Variants in METAP1 observed in about 807,000 individuals in gnomAD.
METAP1 encodes the protein methionine aminopeptidase 1.
METAP1 carries 28 observed loss-of-function variants against 53.8 expected under a neutral mutation model. That is an observed-to-expected ratio of 0.52 (90% CI 0.39 to 0.71). The LOEUF is 0.71. Ranked by LOEUF, METAP1 falls within the 30% of genes least tolerant of loss-of-function variation. The pLI, the probability that METAP1 is intolerant of heterozygous loss-of-function variation, is 0.00. For synonymous variants in METAP1, 181 were observed against 165.7 expected (o/e 1.09, Z -0.71); for missense variants, 389 against 479.8 (o/e 0.81, Z 1.77).
At chr4:99,045,865 A>G (rs1217901074) in intron 8 of METAP1, among the ~76,000 whole-genome samples, 1 of 152,236 alleles carries the variant, frequency 6.6e-6, no homozygotes, top group African/African-American at 2.4e-5. Context: ...TTCAACTATC[A>G]TAGAGATCTT....
At chr4:99,027,405 A>C (rs1724638070) in intron 1 of METAP1, among the ~76,000 whole-genome samples, 1 of 152,110 alleles carries the variant, frequency 6.6e-6, no homozygotes, top group Admixed American at 6.5e-5. Context: ...TTCAAGGACA[A>C]GTGGCCTGGG....
At chr4:98,996,009 G>A in intron 1 of METAP1, 142 bp downstream of exon 1, 2 of 681,318 alleles carry the variant, frequency 2.9e-6, no homozygotes, top group South Asian at 3.3e-5. Context: ...CCCCCCACCC[G>A]CGTCGCCACC....
intron 1 of METAP1, among the ~76,000 whole-genome samples, chr4:99,004,591 T>C (rs998054154): frequency 6.6e-6 from 1 of 152,054 alleles, no homozygotes; most frequent in Non-Finnish European, 1.5e-5. Context: ...ATCTAACTTA[T>C]TAAAAAGAAC....
intron 10 of METAP1, 51 bp from the exon 11 acceptor site, chr4:99,061,103 A>C (rs1057125703): frequency 1.3e-6 from 2 of 1,575,354 alleles, no homozygotes; most frequent in African/African-American, 2.7e-5. Flanking sequence ...TTCTTGATAG[A>C]GTTCATTTAG....
At chr4:99,024,576 C>G (rs1274409533) in intron 1 of METAP1, among the ~76,000 whole-genome samples, 3 of 152,160 alleles carry the variant, frequency 2.0e-5, no homozygotes, top group African/African-American at 7.2e-5. Context: ...GTTTACTGAT[C>G]TGGGTGATGG....
chr4:99,011,567 A>G (rs1723468771), intron 1 of METAP1, among the ~76,000 whole-genome samples: 1 of 152,178 alleles, frequency 6.6e-6, no homozygotes, highest in Non-Finnish European at 1.5e-5. Context: ...GTTTTGTTCA[A>G]GATTTTGCAT....
At chr4:99,057,048 TAG>T (rs1027373146) in intron 9 of METAP1, among the ~76,000 whole-genome samples, 6 of 152,106 alleles carry the variant, frequency 3.9e-5, no homozygotes, top group African/African-American at 1.4e-4. Context: ...GTATTTTTAG[TAG>T]AGACAGGTTC....
At chr4:99,035,536 T>C in intron 4 of METAP1, 76 bp downstream of exon 4, 1 of 1,153,354 alleles carries the variant, frequency 8.7e-7, no homozygotes, top group Non-Finnish European at 1.3e-6. Context: ...GGAATGCTTT[T>C]CTTGTAGAAA....
At position 99,005,976 on chromosome 4, in the gene METAP1, A is replaced by G. The variant is rs556773666; in HGVS notation, c.114+10109A>G. ...AAACTACATATTTAGTACAATGTAC[A>G]TACTAGGATGACTGCACTAAAATCT... On this transcript the variant is annotated intron_variant, in intron 1 of 10. Transcript: ENST00000296411. 6.4e-5 allele frequency: 11 copies of G among 171,402 alleles called. No individual in the cohort carries two copies. The South Asian group carries it at 1.2e-3, about 19-fold the overall frequency. 10.6% of individuals were successfully genotyped at this position (171,402 alleles called of 1,614,324 possible). A position where few individuals can be genotyped will look rare whatever the true frequency, so the allele number is the denominator to read the frequency against.
chr4:98,998,701 C>A (rs1445906757), intron 1 of METAP1, among the ~76,000 whole-genome samples: 1 of 152,196 alleles, frequency 6.6e-6, no homozygotes, highest in African/African-American at 2.4e-5. Context: ...GCCTTTCTAT[C>A]ACACCATTAA....
At position 99,045,287 on chromosome 4, in the gene METAP1, G is replaced by A; in HGVS notation, c.764G>A (p.Cys255Tyr). Residue 255 changes from cysteine to tyrosine, a missense_variant, in exon 8 of 11, where the codon TGC becomes TAC. By Grantham distance (194) the Cys-to-Tyr change is radical. Coordinates refer to ENST00000296411, the MANE Select transcript of METAP1 (RefSeq NM_015143.3). ...AAACTTGTTCAGACCACATATGAGT[G>A]CCTGATGCAAGCCATTGATGCAGGT... is the stretch of plus-strand genomic sequence containing the variant. The part of the protein sequence containing the change: ...ARKLVQTTYE[C>Y]LMQAIDAVKP... 6.2e-7 allele frequency: 1 copy of A among 1,613,754 alleles called. No individual in the cohort carries two copies. The highest frequency in any genetic ancestry group is 8.5e-7 in the Non-Finnish European group (1 of 1,179,772).
chr4:98,996,001 C>G, intron 1 of METAP1, 134 bp downstream of exon 1: 1 of 725,310 alleles, frequency 1.4e-6, no homozygotes, highest in South Asian at 1.6e-5. Context: ...TTCCTCCTCC[C>G]CCCACCCGCG....
rs28676415 is a variant in METAP1 at position 99,005,631 on chromosome 4, C to T, written c.114+9764C>T. 2,234 of 259,092 alleles carry T rather than the reference C, an allele frequency of 8.6e-3. 42 individuals carry two copies. Among genetic ancestry groups the T allele is most frequent in the African/African-American group, 0.046 (2,037 of 44,036 alleles). 16.0% of individuals were successfully genotyped at this position (259,092 alleles called of 1,614,324 possible). ...AAGACACCTGTATATGTATGTTTATCGCAGCACATTTCACAATTGCAAAGA... is the reference window on the plus strand; with the variant it reads ...AAGACACCTGTATATGTATGTTTATTGCAGCACATTTCACAATTGCAAAGA... On this transcript the variant is annotated intron_variant, in intron 1 of 10. Coordinates refer to ENST00000296411, the MANE Select transcript of METAP1 (RefSeq NM_015143.3).
chr4:98,996,733 C>G lies in METAP1; in HGVS notation c.114+866C>G, dbSNP rs989462309. ...TCGTGTTTCTGTTTACTGAAGAGTA[C>G]TAGTGTTGCTGCTGCATTTCGAGAC... is the stretch of plus-strand genomic sequence containing the variant. On this transcript the variant is annotated intron_variant, in intron 1 of 10. Transcript: ENST00000296411. Among the ~76,000 whole-genome samples, 3 of 152,266 alleles carry G rather than the reference C, an allele frequency of 2.0e-5. No homozygotes were observed. In the South Asian group the frequency reaches 6.2e-4, roughly 32 times the overall value.
intron 2 of METAP1, among the ~76,000 whole-genome samples, chr4:99,033,121 G>A (rs1056189503): frequency 1.3e-5 from 2 of 151,992 alleles, no homozygotes; most frequent in Non-Finnish European, 2.9e-5. Flanking sequence ...CACAGTCTCT[G>A]TTTCCTCATA....
chr4:99,049,163 C>G (rs141342624), intron 9 of METAP1, among the ~76,000 whole-genome samples: 23 of 152,246 alleles, frequency 1.5e-4, no homozygotes, highest in African/African-American at 5.3e-4. Context: ...GGGAGTTGCC[C>G]TCCTGGTCAG....
At chr4:99,030,231 A>C (rs1316722856) in intron 2 of METAP1, among the ~76,000 whole-genome samples, 1 of 152,116 alleles carries the variant, frequency 6.6e-6, no homozygotes, top group East Asian at 1.9e-4. Context: ...TCTCCCTCAG[A>C]TTTGCTAACT....
chr4:99,033,884 G>A (rs941397329), intron 2 of METAP1, among the ~76,000 whole-genome samples: 2 of 152,104 alleles, frequency 1.3e-5, no homozygotes, highest in African/African-American at 4.8e-5. Context: ...TTTAAAATGG[G>A]CTTTCTATAA....
intron 1 of METAP1, among the ~76,000 whole-genome samples, chr4:99,019,927 C>G (rs1723984827): frequency 6.6e-6 from 1 of 152,178 alleles, no homozygotes; most frequent in South Asian, 2.1e-4. Flanking sequence ...TGTTGTTCAT[C>G]AAAGGCCTTA....
Sources: allele counts gnomAD v4.1 joint callset (sites outside exome capture counted in the v4.1 genomes callset), GRCh38; gene constraint gnomAD v4.1.1; transcripts MANE v1.5; gene names NCBI Gene and HGNC (gene_info 2026-07-23, HGNC 2026-07-21).